Variants in CYP3A7 observed in about 807,000 individuals in gnomAD.
CYP3A7 encodes the protein cytochrome P450 family 3 subfamily A member 7.
In CYP3A7, 45 loss-of-function variants were observed where a neutral mutation model predicts 55.2. The ratio of observed to expected loss-of-function variants is 0.82; its 90% CI spans 0.64 to 1.05. The LOEUF is 1.05. CYP3A7 is among the 50% of genes least tolerant of loss of function. CYP3A7 has a pLI of 0.00. For missense variants in CYP3A7, 548 were observed against 605.3 expected, an observed-to-expected ratio of 0.91 and a Z score of 0.99; for synonymous variants, 180 against 207.4, an observed-to-expected ratio of 0.87 and a Z score of 1.13.
chr7:99,725,452 G>A (rs1467639739), intron 2 of CYP3A7, among the ~76,000 whole-genome samples: 1 of 152,166 alleles, frequency 6.6e-6, no homozygotes, highest in Non-Finnish European at 1.5e-5. Context: ...GACAACCCAA[G>A]ACCATGTCTC....
At chr7:99,725,640 G>T (rs1346234038) in intron 2 of CYP3A7, among the ~76,000 whole-genome samples, 1 of 152,190 alleles carries the variant, frequency 6.6e-6, no homozygotes, top group Non-Finnish European at 1.5e-5. Flanking sequence ...AGGTTGGACT[G>T]TCTGACTCAC....
At chr7:99,713,623 G>C in intron 8 of CYP3A7, 88 bp from the exon 9 acceptor site, 2 of 1,578,044 alleles carry the variant, frequency 1.3e-6, no homozygotes, top group Non-Finnish European at 1.7e-6. Flanking sequence ...CCTCCCTTCT[G>C]AGAATATAGC....
At chr7:99,733,004 T>G (rs1302858483) in intron 1 of CYP3A7, among the ~76,000 whole-genome samples, 1 of 152,124 alleles carries the variant, frequency 6.6e-6, no homozygotes, top group African/African-American at 2.4e-5. Flanking sequence ...TAATATGTGG[T>G]AAAATACAAC....
chr7:99,720,365 A>G lies in CYP3A7; in HGVS notation c.266T>C (p.Met89Thr), dbSNP rs1270511642. ...TTCTTTCACTAGCACTGTTTTGATC[A>G]TGTCGGGATCTGTGATAGCCAGCAT... ...QPMLAITDPDMIKTVLVKECY... is the reference protein window; with the variant it reads ...QPMLAITDPDTIKTVLVKECY... Residue 89 changes from methionine (M) to threonine (T), a missense_variant, in exon 4 of 13, where the codon ATG (methionine) becomes ACG (threonine). Physicochemically the swap from Met to Thr is moderately conservative, Grantham distance 81. Coordinates refer to ENST00000336374, the MANE Select transcript of CYP3A7 (RefSeq NM_000765.5). 5.6e-6 allele frequency: 9 copies of G among 1,613,678 alleles called. No homozygotes were observed. The highest frequency in any genetic ancestry group is 5.5e-5 in the South Asian group (5 of 91,076).
intron 12 of CYP3A7, among the ~76,000 whole-genome samples, chr7:99,706,686 G>T (rs890805308): frequency 5.9e-5 from 9 of 152,196 alleles, no homozygotes; most frequent in African/African-American, 1.9e-4. Context: ...TATTTTCCCT[G>T]CAGACAGACA....
Position 99,709,116 on chromosome 7 carries a change from C to G in CYP3A7, c.1172G>C (p.Gly391Ala). Reference sequence around the variant, plus strand: ...ATAGCTTGGAATCATCACCACCACCCCTTTGGGAATAAACATCCCATTGAT... The same window carrying G: ...ATAGCTTGGAATCATCACCACCACCGCTTTGGGAATAAACATCCCATTGAT... ...VEINGMFIPK[G>A]VVVMIPSYVL... The change falls in exon 11 of 13, where the codon GGG (glycine) becomes GCG (alanine). Residue 391 changes from glycine to alanine, a missense_variant. Transcript: ENST00000336374. The G allele has an allele frequency of 6.2e-7, 1 of 1,613,928 alleles. No individual in the cohort carries two copies. The highest frequency in any genetic ancestry group is 8.5e-7 in the Non-Finnish European group (1 of 1,179,918).
intron 3 of CYP3A7, chr7:99,720,768 A>G (rs1748314771): frequency 4.4e-6 from 1 of 229,182 alleles, no homozygotes; most frequent in Non-Finnish European, 8.8e-6. Flanking sequence ...TAGGTTTAAA[A>G]TATTTCCCTT....
chr7:99,717,929 TAGAG>T (rs951603776), intron 4 of CYP3A7, among the ~76,000 whole-genome samples: 1 of 152,012 alleles, frequency 6.6e-6, no homozygotes, highest in Non-Finnish European at 1.5e-5. Context: ...GCGTGCAGTG[TAGAG>T]AGAGAGTGGA....
At chr7:99,715,953 A>G (rs768734952) in intron 6 of CYP3A7, 47 bp from the exon 7 acceptor site, 126 of 1,612,190 alleles carry the variant, frequency 7.8e-5, no homozygotes, top group Non-Finnish European at 1.1e-4. Flanking sequence ...CCTCTTTACC[A>G]TCCTTCCTCT....
chr7:99,717,734 A>G (rs1814020390), intron 4 of CYP3A7, 95 bp from the exon 5 acceptor site: 1 of 1,448,130 alleles, frequency 6.9e-7, no homozygotes, highest in Non-Finnish European at 9.5e-7. Context: ...GTATTTAACA[A>G]ATATTTAGTG....
chr7:99,708,266 TTCAC>T lies in CYP3A7; in HGVS notation c.1254-296_1254-293del, dbSNP rs563699956. On this transcript the variant is annotated intron_variant, in intron 11 of 12. Coordinates refer to ENST00000336374, the MANE Select transcript of CYP3A7 (RefSeq NM_000765.5). ...AAATTATAGTCAGGATGGTGATGTG[TTCAC>T]ACTACAAAAGGCACATAAGTGATGA... Among the ~76,000 whole-genome samples, 23 of 152,272 alleles carry T rather than the reference TTCAC, an allele frequency of 1.5e-4. No homozygotes were observed. In the East Asian group the frequency reaches 4.0e-3, roughly 27 times the overall value.
At chr7:99,723,340 A>G (rs146777556) in intron 2 of CYP3A7, among the ~76,000 whole-genome samples, 62 of 152,254 alleles carry the variant, frequency 4.1e-4, no homozygotes, top group African/African-American at 1.4e-3. Context: ...CTTCTGGACA[A>G]TGAGTCTTAT....
rs115410773 is a variant in CYP3A7 at position 99,713,484 on chromosome 7, A to G, written c.850T>C (p.Ser284Pro). ...CTTTTGTTACCTTTGTGGGTCTCAGAGTCTTTTGAATTCTGAGAGTCAATC... is the reference window on the plus strand; with the variant it reads ...CTTTTGTTACCTTTGTGGGTCTCAGGGTCTTTTGAATTCTGAGAGTCAATC... The part of the protein sequence containing the change: ...LMIDSQNSKD[S>P]ETHKALSDLE... Residue 284 changes from serine to proline, a missense_variant, in exon 9 of 13, where the codon TCT (serine) becomes CCT (proline). Physicochemically the swap from Ser to Pro is moderately conservative, Grantham distance 74. Coordinates refer to ENST00000336374, the MANE Select transcript of CYP3A7 (RefSeq NM_000765.5). 3.7e-6 allele frequency: 6 copies of G among 1,613,454 alleles called. No homozygotes were observed. The highest frequency in any genetic ancestry group is 5.1e-6 in the Non-Finnish European group (6 of 1,179,552).
chr7:99,709,081 G>C lies in CYP3A7; in HGVS notation c.1207C>G (p.His403Asp), dbSNP rs558142655. 8.7e-6 allele frequency: 14 copies of C among 1,613,972 alleles called. No individual in the cohort carries two copies. The highest frequency in any genetic ancestry group is 5.0e-5 in the Admixed American group (3 of 60,004). The change falls in exon 11 of 13, where the codon CAT (histidine) becomes GAT (aspartate). Residue 403 changes from histidine to aspartate, a missense_variant. His to Asp is a moderately conservative substitution (Grantham distance 81). Coordinates refer to ENST00000336374, the MANE Select transcript of CYP3A7 (RefSeq NM_000765.5). ...GGCTCTGTCCAGTACTTTGGGTCAT[G>C]ATGAAGAACATAGCTTGGAATCATC... The part of the protein sequence containing the change: ...VVMIPSYVLH[H>D]DPKYWTEPEK...
intron 5 of CYP3A7, 97 bp from the exon 6 acceptor site, chr7:99,717,362 T>C: frequency 6.2e-7 from 1 of 1,605,212 alleles, no homozygotes; most frequent in South Asian, 1.1e-5. Flanking sequence ...AGTGACATTG[T>C]ATAATGAATT....
rs1813909226 is a variant in CYP3A7 at position 99,715,552 on chromosome 7, G to A, written c.670+206C>T. ...ATACGACAACAGGATTTCTGGCAGG[G>A]GGTTGATAGCTAAACATGTATGAGG... On this transcript the variant is annotated intron_variant, in intron 7 of 12. Coordinates refer to ENST00000336374, the MANE Select transcript of CYP3A7 (RefSeq NM_000765.5). 4.8e-6 allele frequency: 4 copies of A among 832,064 alleles called. No individual in the cohort carries two copies. In the South Asian group the frequency reaches 7.1e-5, roughly 15 times the overall value. The allele number at this position is 832,064 out of a possible 1,614,324, so 51.5% of individuals were successfully genotyped here. A position where few individuals can be genotyped will look rare whatever the true frequency, so the allele number is the denominator to read the frequency against.
At chr7:99,728,790 T>C (rs1224938794) in intron 2 of CYP3A7, among the ~76,000 whole-genome samples, 1 of 152,212 alleles carries the variant, frequency 6.6e-6, no homozygotes, top group Non-Finnish European at 1.5e-5. Context: ...ACTATTGCCC[T>C]TGGAGCTGGA....
chr7:99,716,165 TAGAA>T (rs757597465), intron 6 of CYP3A7, among the ~76,000 whole-genome samples: 1 of 152,168 alleles, frequency 6.6e-6, no homozygotes, highest in Non-Finnish European at 1.5e-5. Flanking sequence ...AGCCTAGTCA[TAGAA>T]AGACAGAGAT....
At chr7:99,728,390 A>G (rs965303994) in intron 2 of CYP3A7, among the ~76,000 whole-genome samples, 1 of 152,150 alleles carries the variant, frequency 6.6e-6, no homozygotes, top group Non-Finnish European at 1.5e-5. Context: ...ATGAATAGCA[A>G]TGAAAGTTTG....
Sources: gnomAD v4.1 joint callset for allele counts (sites outside exome capture counted in the v4.1 genomes callset) on GRCh38, gnomAD v4.1.1 for gene constraint, MANE v1.5 for transcripts, NCBI Gene and HGNC (gene_info 2026-07-23, HGNC 2026-07-21) for gene names.